The following LMBR1 variants were observed in gnomAD, a reference collection of about 807,000 sequenced individuals.
LMBR1 encodes limb development membrane protein 1.
LMBR1 carries 52 observed loss-of-function variants against 73.9 expected under a neutral mutation model. That is an observed-to-expected ratio of 0.70 (90% CI 0.56 to 0.89). LMBR1 has a LOEUF of 0.89. Among genes scored for constraint, LMBR1 ranks in the 40% least tolerant of loss-of-function variants. The pLI, the probability that LMBR1 is intolerant of heterozygous loss-of-function variation, is 0.00. For missense variants in LMBR1, 539 were observed against 579.8 expected, an observed-to-expected ratio of 0.93 and a Z score of 0.72; for synonymous variants, 215 against 209.4, an observed-to-expected ratio of 1.03 and a Z score of -0.23.
chr7:156,769,145 G>T (rs1462174397), intron 5 of LMBR1, among the ~76,000 whole-genome samples: 6 of 152,106 alleles, frequency 3.9e-5, no homozygotes, highest in Non-Finnish European at 8.8e-5. Flanking sequence ...ATCACAGATG[G>T]AATAAGCCCA....
chr7:156,747,535 A>G (rs960465279), intron 9 of LMBR1, among the ~76,000 whole-genome samples: 2 of 152,180 alleles, frequency 1.3e-5, no homozygotes, highest in Non-Finnish European at 2.9e-5. Context: ...CAAATTTCCA[A>G]TTAGATCTGC....
At chr7:156,871,404 A>G (rs534721523) in intron 1 of LMBR1, among the ~76,000 whole-genome samples, 3 of 152,362 alleles carry the variant, frequency 2.0e-5, no homozygotes, top group African/African-American at 2.4e-5. Flanking sequence ...AACTCCTTCA[A>G]AAAACTGAGG....
At chr7:156,829,548 A>G (rs1306840574) in intron 3 of LMBR1, among the ~76,000 whole-genome samples, 1 of 122,660 alleles carries the variant, frequency 8.2e-6, no homozygotes, top group Non-Finnish European at 1.7e-5. Flanking sequence ...TGGCAGTGTC[A>G]TGCTTGTACA....
rs1477239939 is a variant in LMBR1, at chr7:156,734,239, T to G, written c.776A>C (p.Glu259Ala). 5.6e-6 allele frequency: 9 copies of G among 1,610,290 alleles called. No homozygotes were observed. The highest frequency in any genetic ancestry group is 5.1e-5 in the Admixed American group (3 of 59,210). ...TTGTTCCAACTCCATTATGTTGTAT[T>G]CCACCGATGAAGACAGCCCTGTTCA... ...RRLNGLSSSVEYNIMELEQEL... is the reference protein window; with the variant it reads ...RRLNGLSSSVAYNIMELEQEL... Residue 259 changes from glutamate (E) to alanine (A), a missense_variant, in exon 10 of 17, where the codon GAA becomes GCA. Physicochemically the swap from Glu to Ala is moderately radical, Grantham distance 107. This residue lies in a region of LMBR1 where 454 missense variants were observed against 473.4 expected (regional missense o/e 0.96). Coordinates refer to ENST00000353442, the MANE Select transcript of LMBR1 (RefSeq NM_022458.4).
At chr7:156,817,841 G>A (rs1038754550) in intron 4 of LMBR1, among the ~76,000 whole-genome samples, 1 of 152,036 alleles carries the variant, frequency 6.6e-6, no homozygotes, top group Non-Finnish European at 1.5e-5. Flanking sequence ...GCATTGGATC[G>A]TAAATATGGG....
intron 9 of LMBR1, among the ~76,000 whole-genome samples, chr7:156,739,695 C>A (rs1416690412): frequency 6.6e-6 from 1 of 152,208 alleles, no homozygotes; most frequent in Non-Finnish European, 1.5e-5. Context: ...CCCACTGAGG[C>A]ATTCGTCTGC....
chr7:156,835,962 A>G (rs1008446511), intron 2 of LMBR1, among the ~76,000 whole-genome samples: 1 of 152,114 alleles, frequency 6.6e-6, no homozygotes, highest in Non-Finnish European at 1.5e-5. Context: ...ATGCCAATGA[A>G]TTTTTTTAAA....
At position 156,826,680 on chromosome 7, in the gene LMBR1, T is replaced by C. The variant is rs770537220; in HGVS notation, c.244A>G (p.Ile82Val). The change falls in exon 4 of 17, where the codon ATC becomes GTC. Residue 82 changes from isoleucine to valine, a missense_variant. Physicochemically the swap from Ile to Val is conservative, Grantham distance 29. Around this residue, in one of 3 missense-constraint regions of LMBR1, gnomAD observed 454 missense variants for 473.4 expected, o/e 0.96. Coordinates refer to ENST00000353442, the MANE Select transcript of LMBR1 (RefSeq NM_022458.4). Reference protein sequence around the residue: ...AGAVLLLPFSIISNEILLSFP... With the variant: ...AGAVLLLPFSVISNEILLSFP... ...GAAAGCAGGATTTCATTGCTGATGA[T>C]TGAGAAGGGTAAAAGCAAAACAGCC... The C allele has an allele frequency of 3.7e-6, 6 of 1,610,702 alleles. No homozygotes were observed. Among genetic ancestry groups the C allele is most frequent in the South Asian group, 3.3e-5 (3 of 90,306 alleles).
chr7:156,876,407 G>T (rs1800178330), intron 1 of LMBR1, among the ~76,000 whole-genome samples: 1 of 151,980 alleles, frequency 6.6e-6, no homozygotes, highest in Non-Finnish European at 1.5e-5. Flanking sequence ...CACTAAACAG[G>T]TCATCAAGAC....
At chr7:156,788,729 A>C (rs1218633897) in intron 5 of LMBR1, among the ~76,000 whole-genome samples, 1 of 152,212 alleles carries the variant, frequency 6.6e-6, no homozygotes, top group African/African-American at 2.4e-5. Flanking sequence ...AACCTTCTGT[A>C]ATTTCTAGGA....
chr7:156,812,783 C>T (rs1306889469), intron 4 of LMBR1, among the ~76,000 whole-genome samples: 1 of 152,290 alleles, frequency 6.6e-6, no homozygotes, highest in Middle Eastern at 3.4e-3. Flanking sequence ...CAAAATGATT[C>T]TCTGTGCAGC....
intron 1 of LMBR1, among the ~76,000 whole-genome samples, chr7:156,855,394 C>T (rs1394095425): frequency 6.6e-6 from 1 of 152,090 alleles, no homozygotes; most frequent in Admixed American, 6.5e-5. Context: ...CATCTCTTAA[C>T]ACCATAGCAA....
At chr7:156,824,323 T>C (rs1452064142) in intron 4 of LMBR1, among the ~76,000 whole-genome samples, 1 of 152,122 alleles carries the variant, frequency 6.6e-6, no homozygotes, top group Non-Finnish European at 1.5e-5. Context: ...ATTGCTAAGG[T>C]AGCATCACCT....
In LMBR1 at chr7:156,866,818, G is replaced by C. The variant is rs185128336; in HGVS notation, c.66+26110C>G. 1.3e-3 allele frequency among the ~76,000 whole-genome samples: 197 copies of C among 152,154 alleles called. 1 individual carries two copies. Among genetic ancestry groups the C allele is most frequent in the African/African-American group, 4.6e-3 (189 of 41,520 alleles). On this transcript the variant is annotated intron_variant, in intron 1 of 16. Coordinates refer to ENST00000353442, the MANE Select transcript of LMBR1 (RefSeq NM_022458.4). The stretch of plus-strand genomic sequence containing the variant: ...GAGATTTCACCATCTTGGCCAGGCT[G>C]GTCTGGAACTCCTGACCTCATGATC...
chr7:156,779,635 G>GA, intron 5 of LMBR1: 3 of 1,218,832 alleles, frequency 2.5e-6, no homozygotes, highest in Non-Finnish European at 3.2e-6. Flanking sequence ...TCAATGAAGT[G>GA]AAAATTACAA....
chr7:156,863,579 C>G (rs115961445), intron 1 of LMBR1, among the ~76,000 whole-genome samples: 16 of 152,228 alleles, frequency 1.1e-4, no homozygotes, highest in African/African-American at 3.6e-4. Context: ...TGCTTATGTT[C>G]GATTTAGTAA....
intron 15 of LMBR1, among the ~76,000 whole-genome samples, chr7:156,710,543 A>G (rs1811858903): frequency 1.3e-5 from 2 of 152,328 alleles, no homozygotes; most frequent in South Asian, 2.1e-4. Flanking sequence ...AATGGTCAAA[A>G]CTAAGAATAA....
chr7:156,687,706 C>T (rs779785323), intron 16 of LMBR1, among the ~76,000 whole-genome samples: 46 of 152,128 alleles, frequency 3.0e-4, no homozygotes, highest in Non-Finnish European at 5.7e-4. Context: ...TCATCCTCAC[C>T]ACCACCATGA....
intron 5 of LMBR1, among the ~76,000 whole-genome samples, chr7:156,783,877 T>A (rs1031777235): frequency 6.6e-6 from 1 of 152,222 alleles, no homozygotes; most frequent in Non-Finnish European, 1.5e-5. Flanking sequence ...AACTTCATCA[T>A]CAAAGTGTAT....
Sources: gnomAD v4.1 joint callset for allele counts (sites outside exome capture counted in the v4.1 genomes callset) on GRCh38, gnomAD v4.1.1 for gene constraint, gnomAD v4.1.1 regional missense constraint, MANE v1.5 for transcripts, NCBI Gene and HGNC (gene_info 2026-07-23, HGNC 2026-07-21) for gene names.